ALMS1: variants seen among roughly 807,000 people sequenced by gnomAD.
The protein encoded by ALMS1 is centrosome-associated protein ALMS1.
Under a neutral mutation model 352.2 loss-of-function variants are expected in ALMS1, and 271 were observed. The ratio of observed to expected loss-of-function variants is 0.77; its 90% CI spans 0.70 to 0.85. The LOEUF is 0.85. Ranked by LOEUF, ALMS1 falls within the 40% of genes least tolerant of loss-of-function variation. The probability of loss-of-function intolerance (pLI) is 0.00; values close to 1 mark genes in which losing one functional copy is unlikely to be tolerated. For missense variants in ALMS1, 5,445 were observed against 4,870.7 expected, an observed-to-expected ratio of 1.12 and a Z score of -3.51; for synonymous variants, 1,865 against 1,761.2, an observed-to-expected ratio of 1.06 and a Z score of -1.48.
chr2:73,494,804 T>C (rs1188793556), intron 10 of ALMS1, among the ~76,000 whole-genome samples: 3 of 152,238 alleles, frequency 2.0e-5, no homozygotes, highest in Non-Finnish European at 4.4e-5. Flanking sequence ...TGTAAGGTTA[T>C]TGTTTTTCCT....
In ALMS1 at chr2:73,450,254, G is replaced by C. The variant is rs372620412; in HGVS notation, c.3727G>C (p.Glu1243Gln). ...AACCTCTGCTTCTTACTCACACACA[G>C]AGAAGCCTGGTATTTTCTACCAACA... ...TPTSASYSHT[E>Q]KPGIFYQQVL... The change falls in exon 8 of 23, where the codon GAG (glutamate) becomes CAG (glutamine). Residue 1243 changes from glutamate (E) to glutamine (Q), a missense_variant. Transcript: ENST00000613296. 6.0e-5 allele frequency: 97 copies of C among 1,614,042 alleles called. 1 individual carries two copies. The East Asian group carries it at 1.1e-3, about 19-fold the overall frequency.
chr2:73,478,991 C>G (rs1473676056), intron 9 of ALMS1, among the ~76,000 whole-genome samples: 2 of 152,180 alleles, frequency 1.3e-5, no homozygotes, highest in Admixed American at 1.3e-4. Context: ...CTTCCGGCTT[C>G]ATCCATGTCC....
At chr2:73,554,719 A>G (rs1409132974) in intron 13 of ALMS1, among the ~76,000 whole-genome samples, 2 of 152,086 alleles carry the variant, frequency 1.3e-5, no homozygotes, top group African/African-American at 4.8e-5. Flanking sequence ...TACCCTCAGC[A>G]TGGGGGAGAT....
At chr2:73,493,349 A>G (rs904649414) in intron 10 of ALMS1, among the ~76,000 whole-genome samples, 1 of 68,286 alleles carries the variant, frequency 1.5e-5, no homozygotes, top group Non-Finnish European at 2.6e-5. Flanking sequence ...GGCAAACTAC[A>G]CACACACACA....
At chr2:73,455,017 T>C in intron 8 of ALMS1, 145 bp from the exon 9 acceptor site, 2 of 925,632 alleles carry the variant, frequency 2.2e-6, no homozygotes, top group Non-Finnish European at 3.4e-6. Context: ...CAAGAATTTC[T>C]AATAGGTTGT....
At chr2:73,470,336 C>T (rs1441519935) in intron 9 of ALMS1, 1 of 151,560 alleles carries the variant, frequency 6.6e-6, no homozygotes, top group East Asian at 1.9e-4. Context: ...TTAGAAACTT[C>T]CCTCTTAGTC....
At chr2:73,601,079 C>A in intron 18 of ALMS1, 116 bp from the exon 19 acceptor site, 1 of 1,532,220 alleles carries the variant, frequency 6.5e-7, no homozygotes, top group Non-Finnish European at 8.9e-7. Context: ...CACCCTGTGG[C>A]CTCTGACAGC....
intron 12 of ALMS1, among the ~76,000 whole-genome samples, chr2:73,535,795 T>A (rs149312679): frequency 0.022 from 3,361 of 152,240 alleles, 126 homozygotes; most frequent in Admixed American, 0.088. Flanking sequence ...GGACAGTATT[T>A]TGAGTTGTCG....
chr2:73,550,075 G>A (rs539444530), intron 12 of ALMS1, among the ~76,000 whole-genome samples, 192 bp from the exon 13 acceptor site: 1 of 152,274 alleles, frequency 6.6e-6, no homozygotes, highest in South Asian at 2.1e-4. Flanking sequence ...GGCCAGGCTG[G>A]TCTTGAACTC....
At chr2:73,532,931 G>A (rs558543253) in intron 11 of ALMS1, among the ~76,000 whole-genome samples, 10 of 152,194 alleles carry the variant, frequency 6.6e-5, no homozygotes, top group South Asian at 6.2e-4. Flanking sequence ...GTACTCTTTA[G>A]TCAGCAGGTG....
chr2:73,529,108 G>A (rs1487880735), intron 11 of ALMS1, among the ~76,000 whole-genome samples: 1 of 141,964 alleles, frequency 7.0e-6, no homozygotes, highest in Non-Finnish European at 1.5e-5. Context: ...CAGTGGTGCA[G>A]TCTCAGCTCA....
chr2:73,516,936 A>G (rs1464893651), intron 10 of ALMS1, among the ~76,000 whole-genome samples: 1 of 151,932 alleles, frequency 6.6e-6, no homozygotes, highest in Non-Finnish European at 1.5e-5. Context: ...TAAGGAGGAG[A>G]GCTGATGTGT....
intron 10 of ALMS1, among the ~76,000 whole-genome samples, chr2:73,515,794 CACACACACACAA>C (rs982979874): frequency 1.3e-5 from 2 of 151,654 alleles, no homozygotes; most frequent in African/African-American, 4.8e-5. Context: ...CACACACACA[CACACACACACAA>C]ACTCAGAGAC....
At chr2:73,395,919 T>C (rs1257027160) in intron 1 of ALMS1, among the ~76,000 whole-genome samples, 1 of 152,118 alleles carries the variant, frequency 6.6e-6, no homozygotes, top group Non-Finnish European at 1.5e-5. Context: ...ATTGGAAGAA[T>C]TGTCTTGGGC....
At chr2:73,581,866 T>A (rs1450005348) in intron 16 of ALMS1, among the ~76,000 whole-genome samples, 1 of 152,020 alleles carries the variant, frequency 6.6e-6, no homozygotes, top group Non-Finnish European at 1.5e-5. Context: ...TGCCTCAGCC[T>A]ACCGAGTAGC....
At position 73,386,255 on chromosome 2, in the gene ALMS1, G is replaced by A. The variant is rs554126571; in HGVS notation, c.324+63G>A. The A allele has an allele frequency of 8.4e-6, 12 of 1,420,876 alleles. No homozygotes were observed. The African/African-American group carries it at 8.9e-5, about 11-fold the overall frequency. The allele number at this position is 1,420,876 out of a possible 1,614,324, so 88.0% of individuals were successfully genotyped here. On this transcript the variant is annotated intron_variant, in intron 1 of 22. Coordinates refer to ENST00000613296, the MANE Select transcript of ALMS1 (RefSeq NM_001378454.1). ...GTTGGGGGTGGAGGCTGGGCCCCGAGCGCTCCGCCCGCCCGCAGGTCACGC... is the reference window on the plus strand; with the variant it reads ...GTTGGGGGTGGAGGCTGGGCCCCGAACGCTCCGCCCGCCCGCAGGTCACGC...
At chr2:73,558,521 A>G (rs936881254) in intron 14 of ALMS1, among the ~76,000 whole-genome samples, 3 of 152,238 alleles carry the variant, frequency 2.0e-5, no homozygotes, top group African/African-American at 7.2e-5. Flanking sequence ...CTCTCAAACA[A>G]CTTTCTAACA....
At chr2:73,454,408 A>G in intron 8 of ALMS1, 1 of 972,448 alleles carries the variant, frequency 1.0e-6, no homozygotes, top group Non-Finnish European at 1.2e-6. Flanking sequence ...TCCTAAAGCT[A>G]TCACGTTTCT....
At chr2:73,553,963 G>T (rs944766917) in intron 13 of ALMS1, among the ~76,000 whole-genome samples, 3 of 152,146 alleles carry the variant, frequency 2.0e-5, no homozygotes, top group Admixed American at 6.5e-5. Context: ...AGGAAATAAG[G>T]ATATTGATCC....
Sources: allele counts gnomAD v4.1 joint callset (sites outside exome capture counted in the v4.1 genomes callset), GRCh38; gene constraint gnomAD v4.1.1; transcripts MANE v1.5; gene names NCBI Gene and HGNC (gene_info 2026-07-23, HGNC 2026-07-21).